The following CAST variants were observed in gnomAD, a reference collection of about 807,000 sequenced individuals.
The protein encoded by CAST is calpastatin.
A neutral mutation model predicts 119.6 loss-of-function variants in CAST; 76 were observed. The observed-to-expected ratio is 0.64, with a 90% CI of 0.53 to 0.77. The LOEUF is 0.77. Ranked by LOEUF, CAST falls within the 30% of genes least tolerant of loss-of-function variation. The probability of loss-of-function intolerance (pLI) is 0.00; values close to 1 mark genes in which losing one functional copy is unlikely to be tolerated. For missense variants in CAST, 953 were observed against 946.5 expected, an observed-to-expected ratio of 1.01 and a Z score of -0.09; for synonymous variants, 319 against 331.6, an observed-to-expected ratio of 0.96 and a Z score of 0.41.
the CAST span, among the ~76,000 whole-genome samples, chr5:96,468,445 T>C: frequency 1.3e-5 from 2 of 152,082 alleles, no homozygotes; most frequent in African/African-American, 2.4e-5. Flanking sequence ...TACACCATGG[T>C]AGGTCCCTGA....
the CAST span, among the ~76,000 whole-genome samples, chr5:96,002,524 T>C: frequency 3.3e-5 from 5 of 152,194 alleles, no homozygotes; most frequent in Non-Finnish European, 7.3e-5. Context: ...GGATCTTATC[T>C]GGGTACCCGG....
the CAST span, among the ~76,000 whole-genome samples, chr5:96,388,956 A>G: frequency 6.6e-6 from 1 of 152,290 alleles, no homozygotes; most frequent in Non-Finnish European, 1.5e-5. Context: ...CAATAAATGA[A>G]TGAACCTAGA....
chr5:96,367,807 G>T, the CAST span, among the ~76,000 whole-genome samples: 1 of 151,920 alleles, frequency 6.6e-6, no homozygotes, highest in Admixed American at 6.6e-5. Context: ...TTTGGCTCAC[G>T]CTCGGTGGGC....
chr5:96,031,128 T>A, the CAST span, among the ~76,000 whole-genome samples: 5 of 152,072 alleles, frequency 3.3e-5, no homozygotes, highest in African/African-American at 1.2e-4. Flanking sequence ...TCCACTTTGT[T>A]GTTAATTACT....
At chr5:96,007,481 A>T in the CAST span, among the ~76,000 whole-genome samples, 1 of 152,158 alleles carries the variant, frequency 6.6e-6, no homozygotes, top group Non-Finnish European at 1.5e-5. Context: ...TCTCCCTAAC[A>T]TTGCTATATT....
At chr5:96,502,614 G>GTCTTTCTTTCTTTCTTTCTT in the CAST span, among the ~76,000 whole-genome samples, 355 of 143,270 alleles carry the variant, frequency 2.5e-3, 1 homozygote, top group Middle Eastern at 7.2e-3. Context: ...AAGTTACCTA[G>GTCTTTCTTTCTTTCTTTCTT]TCTTTCTTTC....
At chr5:96,246,332 G>A in the CAST span, among the ~76,000 whole-genome samples, 3 of 151,820 alleles carry the variant, frequency 2.0e-5, no homozygotes, top group South Asian at 2.1e-4. Flanking sequence ...ACAGGCACCC[G>A]CCACCATGCC....
intron 30 of CAST, among the ~76,000 whole-genome samples, chr5:96,770,885 G>A (rs898461722): frequency 6.6e-6 from 1 of 152,084 alleles, no homozygotes; most frequent in African/African-American, 2.4e-5. Flanking sequence ...ACCATAGTAT[G>A]TGGTTTATAT....
chr5:96,442,756 A>G, the CAST span, among the ~76,000 whole-genome samples: 3 of 152,312 alleles, frequency 2.0e-5, no homozygotes, highest in East Asian at 5.8e-4. Context: ...GAGCGCTGTG[A>G]AAAGCCTTAA....
the CAST span, among the ~76,000 whole-genome samples, chr5:96,483,621 C>G: frequency 1.3e-5 from 2 of 152,072 alleles, no homozygotes; most frequent in Non-Finnish European, 2.9e-5. Flanking sequence ...TGTAAGTTGT[C>G]TGGCTTCAAT....
chr5:96,429,270 G>A, the CAST span: 2 of 1,604,530 alleles, frequency 1.2e-6, no homozygotes, highest in South Asian at 1.1e-5. Flanking sequence ...GAGACCTTCT[G>A]GGGTGGTTTT....
the CAST span, chr5:96,412,540 C>T: frequency 6.6e-7 from 1 of 1,521,550 alleles, no homozygotes; most frequent in Non-Finnish European, 9.1e-7. Context: ...TCAGTATGTA[C>T]ATGGACAAAA....
At chr5:96,236,245 A>G in the CAST span, among the ~76,000 whole-genome samples, 1 of 152,208 alleles carries the variant, frequency 6.6e-6, no homozygotes, top group Non-Finnish European at 1.5e-5. Flanking sequence ...CCATAATGGT[A>G]ACTGCAATTC....
chr5:96,340,632 ATCC>A, the CAST span, among the ~76,000 whole-genome samples: 20 of 152,138 alleles, frequency 1.3e-4, no homozygotes, highest in African/African-American at 4.8e-4. Context: ...ATCGAGGTAA[ATCC>A]TCCTTTGTTG....
chr5:96,367,557 G>A, the CAST span, among the ~76,000 whole-genome samples: 5 of 152,078 alleles, frequency 3.3e-5, no homozygotes, highest in Non-Finnish European at 5.9e-5. Context: ...CTGCCACCTT[G>A]CAGTTCGATC....
At chr5:96,398,067 T>G in the CAST span, among the ~76,000 whole-genome samples, 5 of 152,162 alleles carry the variant, frequency 3.3e-5, no homozygotes, top group African/African-American at 1.2e-4. Flanking sequence ...TGATAATAGT[T>G]CTATGTGGAA....
At chr5:96,377,236 T>G in the CAST span, among the ~76,000 whole-genome samples, 2 of 152,016 alleles carry the variant, frequency 1.3e-5, no homozygotes, top group East Asian at 3.8e-4. Flanking sequence ...CTAAGTTTAA[T>G]TTATTATAGA....
chr5:96,207,080 AT>A, the CAST span, among the ~76,000 whole-genome samples: 1 of 151,988 alleles, frequency 6.6e-6, no homozygotes, highest in Non-Finnish European at 1.5e-5. Context: ...ATAGGATCAC[AT>A]TCTTGATTTG....
chr5:96,256,670 A>G, the CAST span, among the ~76,000 whole-genome samples: 1 of 152,076 alleles, frequency 6.6e-6, no homozygotes, highest in Non-Finnish European at 1.5e-5. Context: ...AAAATATCAT[A>G]TTATAATCTT....
Sources: allele counts gnomAD v4.1 joint callset (sites outside exome capture counted in the v4.1 genomes callset), GRCh38; gene constraint gnomAD v4.1.1; transcripts MANE v1.5; gene names NCBI Gene and HGNC (gene_info 2026-07-23, HGNC 2026-07-21).